The following STK32B variants were observed in gnomAD, a reference collection of about 807,000 sequenced individuals.
STK32B encodes serine/threonine kinase 32B.
STK32B carries 43 observed loss-of-function variants against 52.6 expected under a neutral mutation model. That is an observed-to-expected ratio of 0.82 (90% CI 0.64 to 1.05). STK32B has a LOEUF of 1.05. Among genes scored for constraint, STK32B ranks in the 50% least tolerant of loss-of-function variants. The pLI is 0.00. For synonymous variants in STK32B, 238 were observed against 204.3 expected, an observed-to-expected ratio of 1.17 and a Z score of -1.41; for missense variants, 621 against 534.6, an observed-to-expected ratio of 1.16 and a Z score of -1.59.
intron 4 of STK32B, among the ~76,000 whole-genome samples, chr4:5,360,434 C>T (rs1208777063): frequency 6.6e-6 from 1 of 152,146 alleles, no homozygotes; most frequent in Non-Finnish European, 1.5e-5. Context: ...AAGAGAATGT[C>T]ACTGGACCAG....
chr4:5,338,098 G>T (rs1732825915), intron 4 of STK32B, among the ~76,000 whole-genome samples: 1 of 152,172 alleles, frequency 6.6e-6, no homozygotes, highest in Non-Finnish European at 1.5e-5. Flanking sequence ...AAATGGGGTA[G>T]AAAGTGGTAG....
At chr4:5,093,339 A>G (rs1209707283) in intron 1 of STK32B, among the ~76,000 whole-genome samples, 1 of 152,220 alleles carries the variant, frequency 6.6e-6, no homozygotes, top group Non-Finnish European at 1.5e-5. Context: ...ATGCTGTATT[A>G]AATAGTAACT....
chr4:5,126,984 C>A, intron 1 of STK32B: 2 of 426,040 alleles, frequency 4.7e-6, no homozygotes, highest in East Asian at 7.1e-5. Context: ...CTGTCTATTC[C>A]CTCTCCTTTT....
At chr4:5,248,318 CT>C (rs1286556590) in intron 3 of STK32B, among the ~76,000 whole-genome samples, 3 of 152,214 alleles carry the variant, frequency 2.0e-5, no homozygotes, top group African/African-American at 7.2e-5. Context: ...AGGCTTTCAG[CT>C]TTAGTAATGC....
intron 3 of STK32B, among the ~76,000 whole-genome samples, chr4:5,289,245 C>T (rs1728733006): frequency 1.3e-5 from 2 of 152,082 alleles, no homozygotes; most frequent in South Asian, 2.1e-4. Context: ...ATAGAAAAAG[C>T]ATAAGTGTGG....
At chr4:5,021,416 TCTGGGTGAAGGAGTCTCCACA>T in the STK32B span, among the ~76,000 whole-genome samples, 7 of 152,154 alleles carry the variant, frequency 4.6e-5, no homozygotes. Flanking sequence ...TGTGTTTTCT[TCTGGGTGAAGGAGTCTCCACA>T]CTCCCTCCAT....
chr4:5,480,862 T>G (rs1307281116), intron 11 of STK32B, among the ~76,000 whole-genome samples: 1 of 152,126 alleles, frequency 6.6e-6, no homozygotes, highest in Non-Finnish European at 1.5e-5. Context: ...GATAGTTTGC[T>G]GAGAATGATG....
chr4:5,328,951 T>C (rs1200725316), intron 3 of STK32B, among the ~76,000 whole-genome samples: 1 of 152,188 alleles, frequency 6.6e-6, no homozygotes, highest in Non-Finnish European at 1.5e-5. Flanking sequence ...CTCATGCCTA[T>C]AATCCCAACA....
chr4:5,478,680 T>G (rs547359206), intron 11 of STK32B, among the ~76,000 whole-genome samples: 47 of 152,332 alleles, frequency 3.1e-4, no homozygotes, highest in African/African-American at 1.1e-3. Context: ...ATCGTTTACA[T>G]GGAGTGGGTA....
chr4:5,336,686 A>C (rs2108963224), intron 4 of STK32B, among the ~76,000 whole-genome samples: 1 of 152,340 alleles, frequency 6.6e-6, no homozygotes, highest in Admixed American at 6.5e-5. Context: ...GTAGAGTAAA[A>C]AGACAAAAAG....
At chr4:5,091,040 T>G (rs1167515878) in intron 1 of STK32B, among the ~76,000 whole-genome samples, 1 of 152,176 alleles carries the variant, frequency 6.6e-6, no homozygotes, top group African/African-American at 2.4e-5. Context: ...TCTACAAACA[T>G]TTAAATGAAA....
intron 6 of STK32B, among the ~76,000 whole-genome samples, chr4:5,439,000 C>G (rs1363137636): frequency 6.6e-5 from 10 of 151,594 alleles, no homozygotes; most frequent in Non-Finnish European, 1.2e-4. Context: ...TCCAGTCTAT[C>G]ATTGTTGGAC....
At chr4:5,216,551 G>A (rs562315422) in intron 3 of STK32B, among the ~76,000 whole-genome samples, 1 of 152,310 alleles carries the variant, frequency 6.6e-6, no homozygotes, top group African/African-American at 2.4e-5. Context: ...GGAGGAGTTT[G>A]TACGACTGAA....
At chr4:5,317,204 A>T (rs555109938) in intron 3 of STK32B, among the ~76,000 whole-genome samples, 500 of 48,456 alleles carry the variant, frequency 0.01, 28 homozygotes, top group Non-Finnish European at 0.014. Flanking sequence ...TATATATATT[A>T]TATATATAAC....
Position 5,472,529 on chromosome 4 carries a change from A to C in STK32B, c.1106+4459A>C, listed in dbSNP as rs928516480. 6.6e-5 allele frequency among the ~76,000 whole-genome samples: 10 copies of C among 152,302 alleles called. No individual in the cohort carries two copies. The South Asian group carries it at 1.9e-3, about 28-fold the overall frequency. On this transcript the variant is annotated intron_variant, in intron 11 of 11. Transcript: ENST00000282908. ...CTTCCATTGGGTTGAGAAATGCACC[A>C]GGGGGCCCATCCTCCTATTCTTGGC... is the stretch of plus-strand genomic sequence containing the variant.
intron 3 of STK32B, among the ~76,000 whole-genome samples, chr4:5,301,497 G>C (rs546592971): frequency 2.0e-5 from 3 of 151,612 alleles, no homozygotes; most frequent in African/African-American, 7.2e-5. Context: ...CTTGAATAGT[G>C]TTGATTGTTT....
chr4:5,183,407 G>A (rs1314689255), intron 3 of STK32B, among the ~76,000 whole-genome samples: 1 of 151,596 alleles, frequency 6.6e-6, no homozygotes, highest in African/African-American at 2.4e-5. Flanking sequence ...AACTGAGGAA[G>A]CAGGGGTTGC....
At chr4:5,131,035 C>T (rs1200224997) in intron 1 of STK32B, among the ~76,000 whole-genome samples, 2 of 152,186 alleles carry the variant, frequency 1.3e-5, no homozygotes, top group African/African-American at 4.8e-5. Flanking sequence ...CCGTCACCCC[C>T]TTTTGATGTC....
At position 5,301,265 on chromosome 4, in the gene STK32B, T is replaced by C. The variant is rs538480454; in HGVS notation, c.261-29955T>C. 1.1e-3 allele frequency among the ~76,000 whole-genome samples: 175 copies of C among 152,220 alleles called. 2 individuals are homozygous for C. The highest frequency in any genetic ancestry group is 4.0e-3 in the African/African-American group (167 of 41,572). ...TCTTATGATGTCTTTGGTTTTGGTG[T>C]CAGGATAATGCTTGCTAGAAAGCAT... On this transcript the variant is annotated intron_variant, in intron 3 of 11. Coordinates refer to ENST00000282908, the MANE Select transcript of STK32B (RefSeq NM_018401.3).
Sources: allele counts gnomAD v4.1 joint callset (sites outside exome capture counted in the v4.1 genomes callset), GRCh38; gene constraint gnomAD v4.1.1; transcripts MANE v1.5; gene names NCBI Gene and HGNC (gene_info 2026-07-23, HGNC 2026-07-21).